The following ARHGAP15 variants were observed in gnomAD, a reference collection of about 807,000 sequenced individuals.
ARHGAP15 encodes Rho GTPase activating protein 15.
A neutral mutation model predicts 63.7 loss-of-function variants in ARHGAP15; 51 were observed. That is an observed-to-expected ratio of 0.80 (90% confidence interval 0.64 to 1.01). The LOEUF (loss-of-function observed/expected upper bound fraction) is 1.01. Ranked by LOEUF, ARHGAP15 falls within the 50% of genes least tolerant of loss-of-function variation. The pLI, the probability that ARHGAP15 is intolerant of heterozygous loss-of-function variation, is 0.00. For synonymous variants in ARHGAP15, 191 were observed against 193.8 expected (o/e 0.99, Z 0.12); for missense variants, 560 against 564.6 (o/e 0.99, Z 0.08).
chr2:143,182,302 G>T (rs545909602), intron 2 of ARHGAP15, among the ~76,000 whole-genome samples: 3 of 152,172 alleles, frequency 2.0e-5, no homozygotes, highest in Admixed American at 2.0e-4. Flanking sequence ...GTTATTCATT[G>T]GCCTAATTTT....
At chr2:143,427,510 G>C (rs1414630768) in intron 6 of ARHGAP15, among the ~76,000 whole-genome samples, 3 of 151,456 alleles carry the variant, frequency 2.0e-5, no homozygotes, top group Non-Finnish European at 4.4e-5. Context: ...TTCCCATACT[G>C]TCAACTCCCA....
At chr2:143,238,166 A>G (rs1693725855) in intron 5 of ARHGAP15, 1 of 152,198 alleles carries the variant, frequency 6.6e-6, no homozygotes, top group Non-Finnish European at 1.5e-5. Context: ...TGCCAAAAGC[A>G]ATTGTAATAA....
chr2:143,737,220 AAG>A (rs1203577045), intron 13 of ARHGAP15, among the ~76,000 whole-genome samples: 2 of 152,338 alleles, frequency 1.3e-5, no homozygotes, highest in African/African-American at 4.8e-5. Flanking sequence ...GGAGTCAGCC[AAG>A]AGAGTTTCTA....
intron 12 of ARHGAP15, among the ~76,000 whole-genome samples, chr2:143,631,845 G>T (rs977504454): frequency 6.7e-6 from 1 of 148,198 alleles, no homozygotes; most frequent in African/African-American, 2.4e-5. Context: ...TATGGATCTT[G>T]CTGTGCCTTC....
At chr2:143,332,607 A>T (rs1350637156) in intron 6 of ARHGAP15, among the ~76,000 whole-genome samples, 1 of 152,176 alleles carries the variant, frequency 6.6e-6, no homozygotes, top group Non-Finnish European at 1.5e-5. Context: ...AAAGTGCTTC[A>T]AGTGGCTTTG....
At chr2:143,571,344 A>G (rs1318848311) in intron 11 of ARHGAP15, among the ~76,000 whole-genome samples, 1 of 152,194 alleles carries the variant, frequency 6.6e-6, no homozygotes, top group African/African-American at 2.4e-5. Flanking sequence ...CTGGTGCCAA[A>G]ATGGCTGGGG....
At chr2:143,365,123 GGAAAA>G (rs1187219945) in intron 6 of ARHGAP15, among the ~76,000 whole-genome samples, 14 of 152,296 alleles carry the variant, frequency 9.2e-5, no homozygotes, top group African/African-American at 3.4e-4. Flanking sequence ...ACCCGAATAA[GGAAAA>G]GAAATGTTCT....
rs79889825 is a variant in ARHGAP15 at position 143,352,975 on chromosome 2, C to T, written c.475-82626C>T. ...ATTTATAATTTTACTTTAATAAGTA[C>T]ATGAAATTTTCTGATTTAGGGTTTC... On this transcript the variant is annotated intron_variant, in intron 6 of 13. Transcript: ENST00000295095. 2.6e-5 allele frequency among the ~76,000 whole-genome samples: 4 copies of T among 152,082 alleles called. No individual in the cohort carries two copies. The East Asian group carries it at 7.7e-4, about 29-fold the overall frequency.
At chr2:143,194,707 A>G (rs962727226) in intron 2 of ARHGAP15, among the ~76,000 whole-genome samples, 2 of 51,260 alleles carry the variant, frequency 3.9e-5, no homozygotes, top group African/African-American at 2.5e-4. Flanking sequence ...TGTCTGAGAA[A>G]ACAGAGAGAA....
chr2:143,552,521 T>C (rs1695610109), intron 10 of ARHGAP15, among the ~76,000 whole-genome samples: 1 of 150,862 alleles, frequency 6.6e-6, no homozygotes, highest in African/African-American at 2.4e-5. Context: ...CTCCTAATTG[T>C]GTGTCTATCC....
At chr2:143,331,279 A>C (rs1684535335) in intron 6 of ARHGAP15, among the ~76,000 whole-genome samples, 1 of 152,090 alleles carries the variant, frequency 6.6e-6, no homozygotes, top group Non-Finnish European at 1.5e-5. Flanking sequence ...CCTTTTGTGA[A>C]GCTTTCCTTG....
At chr2:143,578,205 T>C (rs1322045523) in intron 11 of ARHGAP15, among the ~76,000 whole-genome samples, 1 of 152,128 alleles carries the variant, frequency 6.6e-6, no homozygotes, top group African/African-American at 2.4e-5. Context: ...GAGTATTTCA[T>C]TTATACATAA....
chr2:143,219,898 T>C (rs1416208433), intron 4 of ARHGAP15, among the ~76,000 whole-genome samples: 1 of 152,224 alleles, frequency 6.6e-6, no homozygotes, highest in African/African-American at 2.4e-5. Context: ...AGTTTCCTGC[T>C]TTTTTATTCA....
intron 10 of ARHGAP15, among the ~76,000 whole-genome samples, chr2:143,529,712 C>T (rs1441479525): frequency 2.0e-5 from 3 of 152,118 alleles, no homozygotes; most frequent in Admixed American, 2.0e-4. Context: ...CTGCCAAATT[C>T]ACATTCATCT....
intron 6 of ARHGAP15, among the ~76,000 whole-genome samples, chr2:143,300,027 G>T (rs1251312972): frequency 6.6e-6 from 1 of 151,968 alleles, no homozygotes; most frequent in Non-Finnish European, 1.5e-5. Flanking sequence ...TACCTCATGT[G>T]ATTTTGTTTA....
At chr2:143,646,858 A>G (rs1460703324) in intron 12 of ARHGAP15, among the ~76,000 whole-genome samples, 1 of 152,032 alleles carries the variant, frequency 6.6e-6, no homozygotes, top group Non-Finnish European at 1.5e-5. Flanking sequence ...GTCAATCCAA[A>G]TAAGACGTGT....
chr2:143,133,480 AT>A (rs568184751), intron 1 of ARHGAP15, among the ~76,000 whole-genome samples: 7 of 152,174 alleles, frequency 4.6e-5, no homozygotes, highest in Non-Finnish European at 1.0e-4. Context: ...TGTTTCTTCC[AT>A]TTATCTCACT....
At chr2:143,728,755 C>A (rs1685399837) in intron 13 of ARHGAP15, among the ~76,000 whole-genome samples, 1 of 152,136 alleles carries the variant, frequency 6.6e-6, no homozygotes, top group African/African-American at 2.4e-5. Context: ...CTTCAGGGAC[C>A]CCGGTCTAGA....
In ARHGAP15 at chr2:143,532,649, A is replaced by G. The variant is rs549633060; in HGVS notation, c.925+13285A>G. Among the ~76,000 whole-genome samples, 5 of 152,300 alleles carry G rather than the reference A, an allele frequency of 3.3e-5. No homozygotes were observed. The Middle Eastern group carries it at 0.01, about 311-fold the overall frequency. On this transcript the variant is annotated intron_variant, in intron 10 of 13. Transcript: ENST00000295095. Reference sequence around the variant, plus strand: ...TACTGTAGACTCCTGAGCAGCCAACAATTAGAGTACCGCATGCAAAAACAA... The same window carrying G: ...TACTGTAGACTCCTGAGCAGCCAACGATTAGAGTACCGCATGCAAAAACAA...
Sources: gnomAD v4.1 joint callset for allele counts (sites outside exome capture counted in the v4.1 genomes callset) on GRCh38, gnomAD v4.1.1 for gene constraint, MANE v1.5 for transcripts, NCBI Gene and HGNC (gene_info 2026-07-23, HGNC 2026-07-21) for gene names.